The following TLN2 variants were observed in gnomAD, a reference collection of about 807,000 sequenced individuals.
The protein encoded by TLN2 is talin-2.
A neutral mutation model predicts 294.7 loss-of-function variants in TLN2; 118 were observed. The ratio of observed to expected loss-of-function variants is 0.40; its 90% CI spans 0.34 to 0.47. TLN2 has a LOEUF of 0.47. TLN2 is among the 20% of genes least tolerant of loss of function. The pLI is 0.84. For missense variants in TLN2, 3,083 were observed against 3,282.2 expected (o/e 0.94, Z 1.48); for synonymous variants, 1,431 against 1,304.5 (o/e 1.10, Z -2.09).
intron 20 of TLN2, 98 bp from the exon 21 acceptor site, chr15:62,708,404 G>A: frequency 1.6e-6 from 2 of 1,289,098 alleles, no homozygotes; most frequent in Non-Finnish European, 2.2e-6. Flanking sequence ...AGAAACCGAG[G>A]CCCAGAGCAG....
At chr15:62,791,037 G>A (rs1307221680) in intron 45 of TLN2, among the ~76,000 whole-genome samples, 5 of 152,188 alleles carry the variant, frequency 3.3e-5, no homozygotes, top group Non-Finnish European at 5.9e-5. Flanking sequence ...ACCCAAAAGA[G>A]CAGCAGCTTG....
At chr15:62,817,795 A>G (rs1048824863) in intron 52 of TLN2, among the ~76,000 whole-genome samples, 2 of 147,324 alleles carry the variant, frequency 1.4e-5, no homozygotes, top group African/African-American at 5.0e-5. Context: ...AATACTCTCC[A>G]TGTGTTATTC....
intron 9 of TLN2, among the ~76,000 whole-genome samples, chr15:62,662,820 G>C (rs2054018613): frequency 1.8e-5 from 1 of 54,704 alleles, no homozygotes; most frequent in Non-Finnish European, 4.5e-5. Context: ...GGGATTGAGA[G>C]AGTTTTTTTT....
At chr15:62,566,553 A>G (rs2043410250) in intron 1 of TLN2, among the ~76,000 whole-genome samples, 1 of 151,992 alleles carries the variant, frequency 6.6e-6, no homozygotes, top group Non-Finnish European at 1.5e-5. Context: ...GGAAGTGAGC[A>G]CATATTTGCG....
At chr15:62,723,538 CT>C (rs555674609) in intron 26 of TLN2, among the ~76,000 whole-genome samples, 35 of 107,194 alleles carry the variant, frequency 3.3e-4, no homozygotes, top group African/African-American at 7.3e-4. Context: ...ACTGTGAAAA[CT>C]TTTTTTTTTT....
intron 16 of TLN2, among the ~76,000 whole-genome samples, chr15:62,699,453 C>G (rs534485905): frequency 6.6e-6 from 1 of 152,012 alleles, no homozygotes; most frequent in South Asian, 2.1e-4. Flanking sequence ...CAGGTGATGC[C>G]AACACTGCAT....
At chr15:62,791,068 C>T (rs2065040641) in intron 45 of TLN2, among the ~76,000 whole-genome samples, 1 of 152,208 alleles carries the variant, frequency 6.6e-6, no homozygotes, top group African/African-American at 2.4e-5. Flanking sequence ...GTGGCTCACA[C>T]CTGTAATCTC....
intron 1 of TLN2, among the ~76,000 whole-genome samples, chr15:62,409,807 T>G (rs1394121789): frequency 6.6e-6 from 1 of 152,196 alleles, no homozygotes; most frequent in African/African-American, 2.4e-5. Context: ...GAGATTCAGT[T>G]TTCTTGACCA....
At chr15:62,416,451 A>G (rs1306139968) in intron 1 of TLN2, among the ~76,000 whole-genome samples, 2 of 152,260 alleles carry the variant, frequency 1.3e-5, no homozygotes, top group African/African-American at 4.8e-5. Context: ...TGCTAAAGGA[A>G]TTGCAGAAAG....
chr15:62,517,704 G>A (rs1335754364), intron 1 of TLN2, among the ~76,000 whole-genome samples: 2 of 152,146 alleles, frequency 1.3e-5, no homozygotes, highest in Non-Finnish European at 2.9e-5. Flanking sequence ...GTGCTTTGTG[G>A]CTTACCACAT....
At chr15:62,431,227 T>A (rs2140289461) in intron 1 of TLN2, among the ~76,000 whole-genome samples, 1 of 152,294 alleles carries the variant, frequency 6.6e-6, no homozygotes, top group African/African-American at 2.4e-5. Context: ...TGTGAAACTG[T>A]GTAGAGCTTT....
At position 62,776,866 on chromosome 15, in the gene TLN2, C is replaced by T; in HGVS notation, c.5470C>T (p.Leu1824=). The change falls in exon 43 of 59, where the codon CTG becomes TTG. Residue 1824 remains leucine (L), a synonymous_variant. Coordinates refer to ENST00000636159, the MANE Select transcript of TLN2 (RefSeq NM_015059.3). ...GAACGAAGCTGCCAGTGAAGTGGGG[C>T]TGGTTGGGGGCATGGTGGACGCCAT... The part of the protein sequence containing the change: ...TLNEAASEVG[L]VGGMVDAIAE... 1 of 1,598,144 alleles carries T rather than the reference C, an allele frequency of 6.3e-7. No homozygotes were observed. The highest frequency in any genetic ancestry group is 8.5e-7 in the Non-Finnish European group (1 of 1,171,986).
At position 62,836,014 on chromosome 15, in the gene TLN2, C is replaced by T. The variant is rs775990029; in HGVS notation, c.7315C>T (p.Leu2439=). The T allele has an allele frequency of 6.2e-7, 1 of 1,613,210 alleles. No homozygotes were observed. Among genetic ancestry groups the T allele is most frequent in the Non-Finnish European group, 8.5e-7 (1 of 1,179,604 alleles). Residue 2439 remains leucine (L), a synonymous_variant, in exon 57 of 59, where the codon CTG becomes TTG. Coordinates refer to ENST00000636159, the MANE Select transcript of TLN2 (RefSeq NM_015059.3). ...GCAGGTCGCCGCTTCCACGGCTCAG[C>T]TGCTGGTGGCCTGCAAGGTGAAGGC... The part of the protein sequence containing the change: ...AKQVAASTAQ[L]LVACKVKADQ...
chr15:62,560,475 C>T (rs1035079893), intron 1 of TLN2, among the ~76,000 whole-genome samples: 9 of 152,082 alleles, frequency 5.9e-5, no homozygotes, highest in Non-Finnish European at 1.2e-4. Flanking sequence ...TACAGGCACC[C>T]GCCACCATGC....
chr15:62,585,505 G>T (rs1420204464), intron 1 of TLN2, among the ~76,000 whole-genome samples: 1 of 152,130 alleles, frequency 6.6e-6, no homozygotes, highest in African/African-American at 2.4e-5. Context: ...GTAGGAAGGG[G>T]TTGGGGATGC....
At chr15:62,643,589 C>A (rs977398530) in intron 3 of TLN2, among the ~76,000 whole-genome samples, 2 of 152,070 alleles carry the variant, frequency 1.3e-5, no homozygotes, top group African/African-American at 4.8e-5. Context: ...GCCCTGCCCC[C>A]TCTTGAGATG....
chr15:62,789,048 G>A (rs2064897380), intron 45 of TLN2, among the ~76,000 whole-genome samples: 1 of 152,154 alleles, frequency 6.6e-6, no homozygotes, highest in Non-Finnish European at 1.5e-5. Flanking sequence ...GGGCTGGCTG[G>A]GAATCCTGAG....
chr15:62,446,314 C>G (rs1040126904), intron 1 of TLN2, among the ~76,000 whole-genome samples: 2 of 152,182 alleles, frequency 1.3e-5, no homozygotes, highest in Non-Finnish European at 2.9e-5. Context: ...GTCTTAAACT[C>G]CTAATAAGCA....
Position 62,840,604 on chromosome 15 carries a change from G to T in TLN2, c.7623G>T (p.Glu2541Asp). The T allele has an allele frequency of 6.2e-7, 1 of 1,613,930 alleles. No individual in the cohort carries two copies. The change falls in exon 59 of 59, where the codon GAG becomes GAT. Residue 2541 changes from glutamate (E) to aspartate (D), a missense_variant. By Grantham distance (45) the Glu-to-Asp change is conservative. Coordinates refer to ENST00000636159, the MANE Select transcript of TLN2 (RefSeq NM_015059.3). ...KFLPTELRED[E>D]G is the part of the protein sequence containing the mutation. ...TACCCACCGAGCTGAGGGAAGATGA[G>T]GGCTAAAGGTGCGAGCCCAGATGGC...
Sources: allele counts gnomAD v4.1 joint callset (sites outside exome capture counted in the v4.1 genomes callset), GRCh38; gene constraint gnomAD v4.1.1; transcripts MANE v1.5; gene names NCBI Gene and HGNC (gene_info 2026-07-23, HGNC 2026-07-21).